APOLD1: variants seen among roughly 807,000 people sequenced by gnomAD.
APOLD1 encodes the protein apolipoprotein L domain containing 1.
In APOLD1, 22 loss-of-function variants were observed where a neutral mutation model predicts 15.3. The observed-to-expected ratio is 1.44, with a 90% CI of 1.03 to 2.05. APOLD1 has a LOEUF of 2.05. Among genes scored for constraint, APOLD1 ranks in the 30% most tolerant of loss-of-function variants. The pLI is 0.00. For synonymous variants in APOLD1, 190 were observed against 167.4 expected (o/e 1.13, Z -1.04); for missense variants, 394 against 353.5 (o/e 1.11, Z -0.92).
At chr12:12,747,875 C>G (rs1946778967) in intron 1 of APOLD1, among the ~76,000 whole-genome samples, 1 of 152,142 alleles carries the variant, frequency 6.6e-6, no homozygotes. Flanking sequence ...GGGTCTTGTT[C>G]TTGGTATGTG....
At chr12:12,770,868 G>A (rs1035405816) in intron 1 of APOLD1, among the ~76,000 whole-genome samples, 12 of 151,000 alleles carry the variant, frequency 7.9e-5, no homozygotes, top group Non-Finnish European at 1.6e-4. Context: ...AGAAACCAGA[G>A]GTTTAAAAAA....
At chr12:12,778,028 G>A (rs1385376396) in intron 1 of APOLD1, among the ~76,000 whole-genome samples, 1 of 150,506 alleles carries the variant, frequency 6.6e-6, no homozygotes, top group African/African-American at 2.5e-5. Context: ...GGGCTGAAGC[G>A]ATCCTCCCAC....
intron 1 of APOLD1, among the ~76,000 whole-genome samples, chr12:12,752,926 T>C (rs1414851008): frequency 6.6e-6 from 1 of 152,122 alleles, no homozygotes. Context: ...TGATGAGTGG[T>C]ATCTATCTCC....
intron 1 of APOLD1, among the ~76,000 whole-genome samples, chr12:12,748,906 C>T (rs1486996076): frequency 6.6e-6 from 1 of 152,102 alleles, no homozygotes; most frequent in Non-Finnish European, 1.5e-5. Context: ...TTTCATATTT[C>T]TAAACTTTAC....
At chr12:12,754,036 G>A (rs1946835625) in intron 1 of APOLD1, among the ~76,000 whole-genome samples, 2 of 151,378 alleles carry the variant, frequency 1.3e-5, no homozygotes, top group Non-Finnish European at 2.9e-5. Flanking sequence ...CCAACATGGT[G>A]AAACTTTGTC....
chr12:12,746,505 A>AAATAAATAAATAAATAAAT (rs1268578540), intron 1 of APOLD1, among the ~76,000 whole-genome samples: 4 of 150,688 alleles, frequency 2.7e-5, no homozygotes, highest in African/African-American at 9.9e-5. Flanking sequence ...TCAAATAAAT[A>AAATAAATAAATAAATAAAT]AATAAATAAA....
At chr12:12,771,595 C>T (rs1946987674) in intron 1 of APOLD1, 4 of 517,440 alleles carry the variant, frequency 7.7e-6, no homozygotes, top group South Asian at 1.4e-5. Context: ...GAAATGGCAT[C>T]GAGGCCTGTG....
At position 12,775,993 on chromosome 12, in the gene APOLD1, G is replaced by A. The variant is rs1245613052; in HGVS notation, c.97-10916G>A. On this transcript the variant is annotated intron_variant, in intron 1 of 1. Coordinates refer to the APOLD1 transcript ENST00000326765. Reference sequence around the variant, plus strand: ...CACTCCAGCTTGGGTGACAGGGTGAGACCCAGTCTCAAAAAAAAAAAAAAA... The same window carrying A: ...CACTCCAGCTTGGGTGACAGGGTGAAACCCAGTCTCAAAAAAAAAAAAAAA... 7.8e-5 allele frequency among the ~76,000 whole-genome samples: 7 copies of A among 89,574 alleles called. No homozygotes were observed. The East Asian group carries it at 2.7e-3, about 35-fold the overall frequency. The allele number at this position is 89,574 out of a possible 152,430, so 58.8% of individuals were successfully genotyped here.
intron 1 of APOLD1, 50 bp from the exon 2 acceptor site, chr12:12,786,859 G>A (rs1049949681): frequency 2.9e-6 from 4 of 1,359,528 alleles, no homozygotes; most frequent in Middle Eastern, 2.5e-4. Flanking sequence ...GGGCGGGAGC[G>A]GCGGCTGGCA....
At position 12,787,004 on chromosome 12, in the gene APOLD1, C is replaced by T. The variant is rs1294419187; in HGVS notation, c.99C>T (p.Gly33=). 6 of 1,411,632 alleles carry T rather than the reference C, an allele frequency of 4.3e-6. No individual in the cohort carries two copies. The highest frequency in any genetic ancestry group is 3.5e-5 in the Admixed American group (1 of 28,866). The allele number at this position is 1,411,632 out of a possible 1,614,324, so 87.4% of individuals were successfully genotyped here. A position where few individuals can be genotyped will look rare whatever the true frequency, so the allele number is the denominator to read the frequency against. Residue 33 remains glycine (G), a synonymous_variant, in exon 2 of 2, where the codon GGC becomes GGT. Transcript: ENST00000356591. This position sits in a 1 kb window ranked among gnomAD's most constrained non-coding sequence, Gnocchi z 4.9. ...LLLDRRGRLH[G]QVLRLREVAR... ...TGGACCGCCGAGGCCGGCTGCACGG[C>T]CAGGTGCTGCGCCTGCGCGAGGTGG... is the stretch of plus-strand genomic sequence containing the variant.
At chr12:12,774,775 C>G (rs1184581472) in intron 1 of APOLD1, among the ~76,000 whole-genome samples, 2 of 152,062 alleles carry the variant, frequency 1.3e-5, no homozygotes, top group East Asian at 1.9e-4. Context: ...ATTAGAATGG[C>G]CAAAATCTAG....
In APOLD1 at chr12:12,760,453, C is replaced by A. The variant is rs545395279; in HGVS notation, c.97-26456C>A. The stretch of plus-strand genomic sequence containing the variant: ...AGGAGTTCGAGACCAGCCTGCCCAA[C>A]ATGTCAAAACCCCGTCTTTACTAAA... On this transcript the variant is annotated intron_variant, in intron 1 of 1. Transcript: ENST00000326765. Among the ~76,000 whole-genome samples the A allele has an allele frequency of 8.1e-4, 124 of 152,194 alleles. 1 individual carries two copies. The highest frequency in any genetic ancestry group is 2.8e-3 in the African/African-American group (118 of 41,510).
rs527889728 is a variant in APOLD1 at position 12,758,577 on chromosome 12, G to A, written c.97-28332G>A. On this transcript the variant is annotated intron_variant, in intron 1 of 1. Coordinates refer to the APOLD1 transcript ENST00000326765. ...ACAAAACAAATCAAAACAAAAACTC[G>A]GTAAACAAAGGGACAGAGCCAGCAT... Among the ~76,000 whole-genome samples the A allele has an allele frequency of 5.2e-4, 79 of 152,088 alleles. 1 individual carries two copies. The South Asian group carries it at 5.2e-3, about 10-fold the overall frequency.
At chr12:12,770,970 G>GA (rs570219074) in intron 1 of APOLD1, among the ~76,000 whole-genome samples, 163 of 152,144 alleles carry the variant, frequency 1.1e-3, no homozygotes, top group South Asian at 7.7e-3. Context: ...TGTGTTGAGA[G>GA]AAAAAAATCC....
chr12:12,779,582 G>A (rs1195557401), intron 1 of APOLD1, among the ~76,000 whole-genome samples: 6 of 152,008 alleles, frequency 3.9e-5, no homozygotes, highest in Non-Finnish European at 8.8e-5. Flanking sequence ...GTATTTTCCC[G>A]TTTGTGAATA....
At chr12:12,775,720 T>C (rs1177598473) in intron 1 of APOLD1, among the ~76,000 whole-genome samples, 2 of 152,090 alleles carry the variant, frequency 1.3e-5, no homozygotes, top group Non-Finnish European at 2.9e-5. Flanking sequence ...TAAAAAACGA[T>C]TGGGTACAAT....
chr12:12,787,088 G>C lies in APOLD1; in HGVS notation c.183G>C (p.Ser61=). The C allele has an allele frequency of 7.1e-7, 1 of 1,400,130 alleles. No homozygotes were observed. Among genetic ancestry groups the C allele is most frequent in the Non-Finnish European group, 9.2e-7 (1 of 1,087,702 alleles). 86.7% of individuals were successfully genotyped at this position (1,400,130 alleles called of 1,614,324 possible). Residue 61 remains serine (S), a synonymous_variant, in exon 2 of 2, where the codon TCG becomes TCC. Coordinates refer to ENST00000356591, the MANE Select transcript of APOLD1 (RefSeq NM_030817.3). The surrounding 1 kb of genome is among the most constrained non-coding windows in gnomAD (Gnocchi z 4.9). The part of the protein sequence containing the change: ...RSLVANVAGS[S]LSATGALAAI... ...TCGTAGCCAACGTGGCCGGCAGCTCGCTGAGCGCAACGGGCGCCCTCGCCG... is the reference window on the plus strand; with the variant it reads ...TCGTAGCCAACGTGGCCGGCAGCTCCCTGAGCGCAACGGGCGCCCTCGCCG...
In APOLD1 at chr12:12,789,055, T is replaced by A. The variant is rs899499668; in HGVS notation, c.*1403T>A. ...GTTCCTGAAACTGACCTTTGTCTATTATTACCTTCTCTGAAAAGTGCCAGT... is the reference window on the plus strand; with the variant it reads ...GTTCCTGAAACTGACCTTTGTCTATAATTACCTTCTCTGAAAAGTGCCAGT... On this transcript the variant is annotated 3_prime_UTR_variant, in exon 2 of 2. Coordinates refer to ENST00000356591, the MANE Select transcript of APOLD1 (RefSeq NM_030817.3). 2 of 152,258 alleles carry A rather than the reference T, an allele frequency of 1.3e-5. No homozygotes were observed. The highest frequency in any genetic ancestry group is 2.4e-5 in the African/African-American group (1 of 41,472). The allele number at this position is 152,258 out of a possible 1,614,324, so 9.4% of individuals were successfully genotyped here. A position where few individuals can be genotyped will look rare whatever the true frequency, so the allele number is the denominator to read the frequency against.
chr12:12,780,570 T>C (rs1288729817), intron 1 of APOLD1, among the ~76,000 whole-genome samples: 3 of 150,144 alleles, frequency 2.0e-5, no homozygotes, highest in Non-Finnish European at 3.0e-5. Context: ...TGTCTCAATT[T>C]TATTTTTTAT....
Sources: allele counts gnomAD v4.1 joint callset (sites outside exome capture counted in the v4.1 genomes callset), GRCh38; gene constraint gnomAD v4.1.1; non-coding constraint Gnocchi (gnomAD v3.1); transcripts MANE v1.5; gene names NCBI Gene and HGNC (gene_info 2026-07-23, HGNC 2026-07-21).